FAM135B: variants seen among roughly 807,000 people sequenced by gnomAD.
FAM135B encodes the protein family with sequence similarity 135 member B.
Under a neutral mutation model 127.7 loss-of-function variants are expected in FAM135B, and 43 were observed. That is an observed-to-expected ratio of 0.34 (90% CI 0.26 to 0.43). The LOEUF is 0.43. Ranked by LOEUF, FAM135B falls within the 20% of genes least tolerant of loss-of-function variation. The pLI, the probability that FAM135B is intolerant of heterozygous loss-of-function variation, is 1.00. For missense variants in FAM135B, 1,558 were observed against 1,725.6 expected (o/e 0.90, Z 1.72); for synonymous variants, 670 against 665.1 (o/e 1.01, Z -0.11).
At chr8:138,414,749 T>C (rs895867435) in intron 1 of FAM135B, among the ~76,000 whole-genome samples, 10 of 152,156 alleles carry the variant, frequency 6.6e-5, no homozygotes, top group African/African-American at 1.4e-4. Context: ...AAGATGGCTG[T>C]AGCACTTACC....
At chr8:138,386,019 G>A (rs1377266299) in intron 1 of FAM135B, among the ~76,000 whole-genome samples, 2 of 151,752 alleles carry the variant, frequency 1.3e-5, no homozygotes, top group African/African-American at 4.8e-5. Context: ...TCAAGAGTTC[G>A]AGACCAGCCT....
At chr8:138,474,242 A>C (rs1814258211) in intron 1 of FAM135B, among the ~76,000 whole-genome samples, 1 of 152,138 alleles carries the variant, frequency 6.6e-6, no homozygotes, top group Admixed American at 6.6e-5. Flanking sequence ...AACAAAAAGT[A>C]AGGACGTTGA....
intron 12 of FAM135B, among the ~76,000 whole-genome samples, chr8:138,162,579 T>C (rs1470872838): frequency 6.6e-6 from 1 of 152,216 alleles, no homozygotes; most frequent in African/African-American, 2.4e-5. Flanking sequence ...TCTCTGCACC[T>C]TCCTCTTTAT....
intron 1 of FAM135B, among the ~76,000 whole-genome samples, chr8:138,401,354 A>C (rs1326258408): frequency 6.6e-6 from 1 of 152,210 alleles, no homozygotes; most frequent in Non-Finnish European, 1.5e-5. Flanking sequence ...CCATCACTGC[A>C]ACCTTAAAAT....
rs1261738700 is a variant in FAM135B at position 138,497,165 on chromosome 8, C to A, written c.-514G>T. ...GGACGCGGCCAGACCCTCCGCGCCG[C>A]GCCGCGCGCCCTCGCGGCCGGGAGA... On this transcript the variant is annotated 5_prime_UTR_variant, in exon 1 of 20. Transcript: ENST00000395297. Among the ~76,000 whole-genome samples, 1 of 151,230 alleles carries A rather than the reference C, an allele frequency of 6.6e-6. No homozygotes were observed. Among genetic ancestry groups the A allele is most frequent in the Non-Finnish European group, 1.5e-5 (1 of 67,754 alleles).
chr8:138,153,759 A>T (rs185995308), intron 12 of FAM135B, among the ~76,000 whole-genome samples: 5 of 152,250 alleles, frequency 3.3e-5, no homozygotes, highest in Admixed American at 3.3e-4. Flanking sequence ...ACCATTGCTG[A>T]GGCTTGAGTA....
At chr8:138,332,694 C>T (rs372332208) in intron 2 of FAM135B, among the ~76,000 whole-genome samples, 13 of 152,142 alleles carry the variant, frequency 8.5e-5, no homozygotes, top group African/African-American at 2.4e-4. Context: ...AGAGTGAACA[C>T]GGAGTGCAGG....
At chr8:138,342,906 G>T (rs1829152903) in intron 2 of FAM135B, among the ~76,000 whole-genome samples, 1 of 152,154 alleles carries the variant, frequency 6.6e-6, no homozygotes, top group Non-Finnish European at 1.5e-5. Context: ...ATCCAAACAT[G>T]CATGCACAAA....
chr8:138,340,423 T>G (rs1255205257), intron 2 of FAM135B, among the ~76,000 whole-genome samples: 2 of 152,170 alleles, frequency 1.3e-5, no homozygotes, highest in African/African-American at 2.4e-5. Flanking sequence ...ATGATTAGTA[T>G]CCACATTACC....
At chr8:138,255,353 G>A (rs1334452532) in intron 5 of FAM135B, among the ~76,000 whole-genome samples, 1 of 152,212 alleles carries the variant, frequency 6.6e-6, no homozygotes, top group East Asian at 1.9e-4. Context: ...AGTGGTCAGT[G>A]TGTGCTGAGA....
At chr8:138,171,245 T>A (rs548979071) in intron 11 of FAM135B, among the ~76,000 whole-genome samples, 2 of 152,232 alleles carry the variant, frequency 1.3e-5, no homozygotes, top group Admixed American at 1.3e-4. Context: ...CAAAAACAGA[T>A]CCTGGTAACA....
chr8:138,157,025 A>G (rs1428361528), intron 12 of FAM135B, among the ~76,000 whole-genome samples: 1 of 152,240 alleles, frequency 6.6e-6, no homozygotes, highest in African/African-American at 2.4e-5. Flanking sequence ...ATTCCTGATA[A>G]ACATCAATGC....
chr8:138,467,694 A>G (rs960601600), intron 1 of FAM135B, among the ~76,000 whole-genome samples: 1 of 152,198 alleles, frequency 6.6e-6, no homozygotes, highest in African/African-American at 2.4e-5. Flanking sequence ...TTATGGGTGC[A>G]GTGTTGAGAA....
chr8:138,431,047 A>C (rs1337633689), intron 1 of FAM135B, among the ~76,000 whole-genome samples: 1 of 152,224 alleles, frequency 6.6e-6, no homozygotes. Context: ...TACTTTTAAG[A>C]GTGAAAGCCT....
At chr8:138,432,126 G>C (rs985371235) in intron 1 of FAM135B, among the ~76,000 whole-genome samples, 1 of 152,182 alleles carries the variant, frequency 6.6e-6, no homozygotes. Flanking sequence ...AGGGATACAT[G>C]TATAAACAAA....
chr8:138,343,354 C>A (rs1243434605), intron 2 of FAM135B, among the ~76,000 whole-genome samples: 1 of 152,162 alleles, frequency 6.6e-6, no homozygotes, highest in Non-Finnish European at 1.5e-5. Context: ...CAAACCCAGG[C>A]AAAGACACTC....
intron 3 of FAM135B, among the ~76,000 whole-genome samples, chr8:138,291,653 T>C (rs1395599743): frequency 6.6e-6 from 1 of 152,152 alleles, no homozygotes; most frequent in Non-Finnish European, 1.5e-5. Flanking sequence ...TCTGTAAATA[T>C]AATACAGCAT....
intron 1 of FAM135B, among the ~76,000 whole-genome samples, chr8:138,377,284 A>T (rs908554723): frequency 5.3e-5 from 8 of 152,236 alleles, no homozygotes; most frequent in Admixed American, 5.2e-4. Flanking sequence ...ACTATAGGAG[A>T]TGGGAAAGGC....
chr8:138,434,416 G>A (rs770742023), intron 1 of FAM135B, among the ~76,000 whole-genome samples: 5 of 152,128 alleles, frequency 3.3e-5, no homozygotes, highest in African/African-American at 4.8e-5. Context: ...CAAAGTCAAG[G>A]TGGGTGTAAG....
Sources: allele counts gnomAD v4.1 joint callset (sites outside exome capture counted in the v4.1 genomes callset), GRCh38; gene constraint gnomAD v4.1.1; transcripts MANE v1.5; gene names NCBI Gene and HGNC (gene_info 2026-07-23, HGNC 2026-07-21).